Variants in PCDHGA3 observed in about 807,000 individuals in gnomAD.
The protein encoded by PCDHGA3 is protocadherin gamma subfamily A, 3, also known as protocadherin gamma-A3.
PCDHGA3 carries 40 observed loss-of-function variants against 58.5 expected under a neutral mutation model. That is an observed-to-expected ratio of 0.68 (90% confidence interval 0.53 to 0.89). The LOEUF (loss-of-function observed/expected upper bound fraction) is 0.89. PCDHGA3 is among the 40% of genes least tolerant of loss of function. PCDHGA3 has a pLI of 0.00. For missense variants in PCDHGA3, 1,223 were observed against 1,195.9 expected, an observed-to-expected ratio of 1.02 and a Z score of -0.33; for synonymous variants, 530 against 525.7, an observed-to-expected ratio of 1.01 and a Z score of -0.11.
intron 1 of PCDHGA3, chr5:141,427,729 A>G (rs1176707357): frequency 8.5e-7 from 1 of 1,170,166 alleles, no homozygotes; most frequent in African/African-American, 1.5e-5. Context: ...CTAGGGCTGA[A>G]TGGCCAAGTC....
intron 1 of PCDHGA3, chr5:141,418,432 T>C (rs954268296): frequency 1.9e-6 from 3 of 1,613,838 alleles, no homozygotes; most frequent in African/African-American, 1.3e-5. Context: ...GTGGCAAATA[T>C]CCAGAATTAG....
intron 1 of PCDHGA3, chr5:141,375,049 G>C (rs1176998287): frequency 1.2e-6 from 2 of 1,614,010 alleles, no homozygotes; most frequent in Non-Finnish European, 1.7e-6. Context: ...TTGAAGCCCG[G>C]GATGGGCCAG....
At position 141,349,050 on chromosome 5, in the gene PCDHGA3, C is replaced by A. The variant is rs1040330832; in HGVS notation, c.2424+2593C>A. Among the ~76,000 whole-genome samples the A allele has an allele frequency of 7.9e-5, 12 of 152,130 alleles. No homozygotes were observed. The East Asian group carries it at 2.3e-3, about 29-fold the overall frequency. ...CGTTTTGCTCATTAATGGTATAAGTCGGCTGGAGCTGAGAATTGGCATTAT... is the reference window on the plus strand; with the variant it reads ...CGTTTTGCTCATTAATGGTATAAGTAGGCTGGAGCTGAGAATTGGCATTAT... On this transcript the variant is annotated intron_variant, in intron 1 of 3. Transcript: ENST00000253812.
At chr5:141,398,818 C>G in intron 1 of PCDHGA3, 1 of 1,613,958 alleles carries the variant, frequency 6.2e-7, no homozygotes. Flanking sequence ...GCTCCGGATC[C>G]AGGTAACCGA....
chr5:141,492,071 C>T (rs992716777), intron 1 of PCDHGA3: 7 of 481,874 alleles, frequency 1.5e-5, no homozygotes, highest in African/African-American at 1.4e-4. Context: ...CTCCTAGGCG[C>T]CGGCTCCGGC....
Position 141,487,506 on chromosome 5 carries a change from C to T in PCDHGA3, c.2425-7301C>T. 1 of 1,614,220 alleles carries T rather than the reference C, an allele frequency of 6.2e-7. No homozygotes were observed. The highest frequency in any genetic ancestry group is 8.5e-7 in the Non-Finnish European group (1 of 1,180,046). On this transcript the variant is annotated intron_variant, in intron 1 of 3. Coordinates refer to ENST00000253812, the MANE Select transcript of PCDHGA3 (RefSeq NM_018916.4). The surrounding 1 kb of genome is among the most constrained non-coding windows in gnomAD (Gnocchi z 5.0). ...CATGGCTGTACACCCTTGGCTTCTG[C>T]ACCCACTCGGAGTGATAGCTTCATG...
chr5:141,405,746 G>A (rs1174743960), intron 1 of PCDHGA3, among the ~76,000 whole-genome samples: 1 of 152,108 alleles, frequency 6.6e-6, no homozygotes, highest in Non-Finnish European at 1.5e-5. Context: ...CCAAAGCACT[G>A]GGATTACAGG....
intron 1 of PCDHGA3, among the ~76,000 whole-genome samples, chr5:141,455,844 T>TA (rs2098833146): frequency 6.6e-6 from 1 of 150,818 alleles, no homozygotes; most frequent in Non-Finnish European, 1.5e-5. Flanking sequence ...TCTATCTGCA[T>TA]AAAATAATTT....
At chr5:141,381,342 T>C (rs931867398) in intron 1 of PCDHGA3, among the ~76,000 whole-genome samples, 3 of 152,254 alleles carry the variant, frequency 2.0e-5, no homozygotes, top group Non-Finnish European at 4.4e-5. Context: ...GAGCTTTCTT[T>C]TCTTTCTGCT....
In PCDHGA3 at chr5:141,404,943, TAGCTGAC is replaced by T. The variant is rs770372146; in HGVS notation, c.2424+58490_2424+58496del. On this transcript the variant is annotated intron_variant, in intron 1 of 3. Transcript: ENST00000253812. ...GCCACTGTCACGCTCACAGTAGCCA[TAGCTGAC>T]AGCATCCCAGACATCCTGGCTGACC... 24 of 1,613,914 alleles carry T rather than the reference TAGCTGAC, an allele frequency of 1.5e-5. No individual in the cohort carries two copies. In the East Asian group the frequency reaches 4.0e-4, roughly 27 times the overall value.
chr5:141,485,259 G>C lies in PCDHGA3; in HGVS notation c.2425-9548G>C. ...TTTTACCACCTGGGTTACGTTTGTGGGCAGATCCGCTACCCGGTCCCAGAG... is the reference window on the plus strand; with the variant it reads ...TTTTACCACCTGGGTTACGTTTGTGCGCAGATCCGCTACCCGGTCCCAGAG... On this transcript the variant is annotated intron_variant, in intron 1 of 3. Coordinates refer to ENST00000253812, the MANE Select transcript of PCDHGA3 (RefSeq NM_018916.4). The surrounding 1 kb of genome is among the most constrained non-coding windows in gnomAD (Gnocchi z 5.7). 1.2e-6 allele frequency: 2 copies of C among 1,614,136 alleles called. No homozygotes were observed. The highest frequency in any genetic ancestry group is 1.7e-6 in the Non-Finnish European group (2 of 1,180,002).
chr5:141,366,450 T>C, intron 1 of PCDHGA3: 6 of 1,614,230 alleles, frequency 3.7e-6, no homozygotes, highest in Non-Finnish European at 5.1e-6. Flanking sequence ...TTCCTGGCCT[T>C]CGTCATCGTG....
At chr5:141,375,523 C>T (rs571977774) in intron 1 of PCDHGA3, 2 of 1,614,032 alleles carry the variant, frequency 1.2e-6, no homozygotes, top group Non-Finnish European at 1.7e-6. Flanking sequence ...TGGACCCTGA[C>T]GTGGACCAGA....
chr5:141,374,602 T>C, intron 1 of PCDHGA3: 2 of 1,613,652 alleles, frequency 1.2e-6, no homozygotes, highest in Non-Finnish European at 1.7e-6. Flanking sequence ...TTAAGCTCAG[T>C]GGTAATAGTC....
chr5:141,409,357 T>A, intron 1 of PCDHGA3: 2 of 1,613,968 alleles, frequency 1.2e-6, no homozygotes, highest in Non-Finnish European at 1.7e-6. Context: ...TCAGGTGTAA[T>A]ATAGAAACAG....
At chr5:141,420,223 G>A in intron 1 of PCDHGA3, 2 of 1,604,640 alleles carry the variant, frequency 1.2e-6, no homozygotes, top group Non-Finnish European at 1.7e-6. Context: ...GCATGCTACT[G>A]GCTAGCATTT....
At chr5:141,433,641 G>C (rs1177387884) in intron 1 of PCDHGA3, among the ~76,000 whole-genome samples, 1 of 152,104 alleles carries the variant, frequency 6.6e-6, no homozygotes, top group Admixed American at 6.5e-5. Flanking sequence ...TTTGAGACCA[G>C]CCTGACCAAC....
intron 1 of PCDHGA3, among the ~76,000 whole-genome samples, chr5:141,353,056 T>C (rs1759173544): frequency 6.6e-6 from 1 of 152,188 alleles, no homozygotes; most frequent in South Asian, 2.1e-4. Flanking sequence ...TTTGATTTTC[T>C]TTCATTGTTC....
At position 141,390,084 on chromosome 5, in the gene PCDHGA3, G is replaced by A. The variant is rs755692863; in HGVS notation, c.2424+43627G>A. Reference sequence around the variant, plus strand: ...CCAGCCTGGTCTCTGTGTTAAATCCGAATCCGTGGTTCCCCCCAACTACAG... The same window carrying A: ...CCAGCCTGGTCTCTGTGTTAAATCCAAATCCGTGGTTCCCCCCAACTACAG... On this transcript the variant is annotated intron_variant, in intron 1 of 3. Transcript: ENST00000253812. 8 of 1,613,954 alleles carry A rather than the reference G, an allele frequency of 5.0e-6. No homozygotes were observed. In the African/African-American group the frequency reaches 9.3e-5, roughly 19 times the overall value.
Sources: gnomAD v4.1 joint callset for allele counts (sites outside exome capture counted in the v4.1 genomes callset) on GRCh38, gnomAD v4.1.1 for gene constraint, Gnocchi (gnomAD v3.1) non-coding constraint, MANE v1.5 for transcripts, NCBI Gene and HGNC (gene_info 2026-07-23, HGNC 2026-07-21) for gene names.